Variants in ARHGAP5 observed in about 807,000 individuals in gnomAD.
ARHGAP5 encodes Rho GTPase activating protein 5, also known as rho GTPase-activating protein 5.
In ARHGAP5, 23 loss-of-function variants were observed where a neutral mutation model predicts 116.6. That is an observed-to-expected ratio of 0.20 (90% CI 0.14 to 0.28). The LOEUF (loss-of-function observed/expected upper bound fraction) is 0.28. Ranked by LOEUF, ARHGAP5 falls within the 10% of genes least tolerant of loss-of-function variation. The pLI, the probability that ARHGAP5 is intolerant of heterozygous loss-of-function variation, is 1.00. For missense variants in ARHGAP5, 1,405 were observed against 1,774.8 expected (o/e 0.79, Z 3.74); for synonymous variants, 574 against 602.0 (o/e 0.95, Z 0.68).
chr14:32,136,494 T>A (rs768354434), intron 3 of ARHGAP5, among the ~76,000 whole-genome samples: 5 of 152,254 alleles, frequency 3.3e-5, no homozygotes, highest in Admixed American at 2.6e-4. Context: ...TATATCACAT[T>A]TAGCCGTTTA....
chr14:32,122,139 C>T (rs1251847554), intron 3 of ARHGAP5, among the ~76,000 whole-genome samples: 2 of 152,138 alleles, frequency 1.3e-5, no homozygotes, highest in African/African-American at 4.8e-5. Context: ...CTTGACATTC[C>T]CATCAGCAGT....
intron 2 of ARHGAP5, among the ~76,000 whole-genome samples, chr14:32,101,458 T>A (rs766175534): frequency 1.1e-4 from 17 of 152,316 alleles, no homozygotes; most frequent in Non-Finnish European, 1.8e-4. Context: ...AATTGTTCAT[T>A]CCAGTTATAA....
chr14:32,101,128 T>G (rs1043328074), intron 2 of ARHGAP5, among the ~76,000 whole-genome samples: 4 of 152,178 alleles, frequency 2.6e-5, no homozygotes, highest in Non-Finnish European at 4.4e-5. Flanking sequence ...CTCCTCTTTA[T>G]ATTAGCAATT....
At chr14:32,115,627 C>A (rs1453623047) in intron 2 of ARHGAP5, among the ~76,000 whole-genome samples, 1 of 140,454 alleles carries the variant, frequency 7.1e-6, no homozygotes, top group Non-Finnish European at 1.5e-5. Context: ...GATCGCGCCA[C>A]TGCACTCCAG....
chr14:32,141,203 A>G lies in ARHGAP5; in HGVS notation c.3866-5060A>G, dbSNP rs144567202. 1.7e-4 allele frequency among the ~76,000 whole-genome samples: 26 copies of G among 152,240 alleles called. No homozygotes were observed. In the East Asian group the frequency reaches 1.7e-3, roughly 10 times the overall value. Reference sequence around the variant, plus strand: ...ACGTTCAACATATTGTGTCTTTGGTACTGTAGTGATTGTCTTATAGACTGT... The same window carrying G: ...ACGTTCAACATATTGTGTCTTTGGTGCTGTAGTGATTGTCTTATAGACTGT... On this transcript the variant is annotated intron_variant, in intron 3 of 6. Transcript: ENST00000345122.
At chr14:32,146,387 C>T (rs776770918) in intron 4 of ARHGAP5, 47 bp downstream of exon 4, 24 of 1,375,468 alleles carry the variant, frequency 1.7e-5, no homozygotes, top group Non-Finnish European at 1.3e-5. Flanking sequence ...TTATGTTTTC[C>T]TTGTTAGAAT....
intron 3 of ARHGAP5, among the ~76,000 whole-genome samples, chr14:32,133,356 G>A (rs1880609686): frequency 2.6e-5 from 4 of 152,148 alleles, no homozygotes; most frequent in Admixed American, 2.6e-4. Flanking sequence ...AATTGTGAAT[G>A]GGAGTTCACT....
At position 32,159,595 on chromosome 14, in the gene ARHGAP5, A is replaced by G. The variant is rs1417344159; in HGVS notation, c.*4647A>G. 5 of 152,198 alleles carry G rather than the reference A, an allele frequency of 3.3e-5. No individual in the cohort carries two copies. Among genetic ancestry groups the G allele is most frequent in the South Asian group, 2.1e-4 (1 of 4,826 alleles). The allele number at this position is 152,198 out of a possible 1,614,324, so 9.4% of individuals were successfully genotyped here. A position where few individuals can be genotyped will look rare whatever the true frequency, so the allele number is the denominator to read the frequency against. ...GAACTGTGAATGTTTTGTCCTAACCATTTAATATTTTCTAGGTACTTGCTG... is the reference window on the plus strand; with the variant it reads ...GAACTGTGAATGTTTTGTCCTAACCGTTTAATATTTTCTAGGTACTTGCTG... On this transcript the variant is annotated 3_prime_UTR_variant, in exon 7 of 7. Coordinates refer to ENST00000345122, the MANE Select transcript of ARHGAP5 (RefSeq NM_001030055.2).
At chr14:32,140,373 A>C (rs965845935) in intron 3 of ARHGAP5, among the ~76,000 whole-genome samples, 1 of 151,666 alleles carries the variant, frequency 6.6e-6, no homozygotes, top group African/African-American at 2.4e-5. Context: ...CGAGGTCAGG[A>C]GATCAAGACC....
chr14:32,132,979 G>A (rs912351092), intron 3 of ARHGAP5, among the ~76,000 whole-genome samples: 10 of 152,124 alleles, frequency 6.6e-5, no homozygotes, highest in Non-Finnish European at 1.2e-4. Context: ...TGCTGTTTTG[G>A]TTACTGTAGC....
chr14:32,108,518 A>G (rs1879124327), intron 2 of ARHGAP5, among the ~76,000 whole-genome samples: 2 of 152,052 alleles, frequency 1.3e-5, no homozygotes, highest in African/African-American at 2.4e-5. Context: ...TTATAGTTAG[A>G]TTGGTCCTGG....
chr14:32,116,366 G>A (rs1315539563), intron 2 of ARHGAP5, among the ~76,000 whole-genome samples: 2 of 151,878 alleles, frequency 1.3e-5, no homozygotes, highest in Non-Finnish European at 2.9e-5. Context: ...CGAGGCGGGT[G>A]GATCACGAGG....
In ARHGAP5 at chr14:32,158,624, A is replaced by G. The variant is rs556579618; in HGVS notation, c.*3676A>G. 3.3e-5 allele frequency: 5 copies of G among 152,088 alleles called. No individual in the cohort carries two copies. The highest frequency in any genetic ancestry group is 1.2e-4 in the African/African-American group (5 of 41,550). The allele number at this position is 152,088 out of a possible 1,614,324, so 9.4% of individuals were successfully genotyped here. ...AATTTAGTAGTTTCAAGGTACTTAA[A>G]TTCTTAACAGTTTCTAATTTGTTTC... On this transcript the variant is annotated 3_prime_UTR_variant, in exon 7 of 7. Coordinates refer to ENST00000345122, the MANE Select transcript of ARHGAP5 (RefSeq NM_001030055.2).
intron 3 of ARHGAP5, among the ~76,000 whole-genome samples, chr14:32,142,306 G>A (rs1881163581): frequency 6.6e-6 from 1 of 151,624 alleles, no homozygotes; most frequent in Non-Finnish European, 1.5e-5. Flanking sequence ...TTGTTTCTTT[G>A]TATGCCTCTT....
intron 1 of ARHGAP5, among the ~76,000 whole-genome samples, chr14:32,078,642 T>C (rs2041739693): frequency 6.6e-6 from 1 of 152,180 alleles, no homozygotes; most frequent in Admixed American, 6.5e-5. Context: ...TCAATTCCAC[T>C]TAAATCCAGA....
intron 3 of ARHGAP5, among the ~76,000 whole-genome samples, chr14:32,118,870 T>G (rs1442758443): frequency 6.6e-6 from 1 of 152,208 alleles, no homozygotes; most frequent in Non-Finnish European, 1.5e-5. Flanking sequence ...TTTTGTACAT[T>G]TATTATTTAA....
At chr14:32,153,812 G>C (rs1344797577) in intron 6 of ARHGAP5, among the ~76,000 whole-genome samples, 1 of 151,722 alleles carries the variant, frequency 6.6e-6, no homozygotes, top group South Asian at 2.1e-4. Context: ...AGCCAGATGC[G>C]GTGGCTCAAC....
chr14:32,083,636 T>C (rs1044919539), intron 1 of ARHGAP5, among the ~76,000 whole-genome samples: 2 of 152,232 alleles, frequency 1.3e-5, no homozygotes, highest in African/African-American at 2.4e-5. Context: ...AGTCTTTTTT[T>C]CCCTTAATCC....
chr14:32,154,275 C>G (rs1012287033), intron 6 of ARHGAP5: 3 of 199,302 alleles, frequency 1.5e-5, no homozygotes, highest in African/African-American at 4.7e-5. Flanking sequence ...CTCAGCCTCC[C>G]AAGTAGCTGG....
Sources: gnomAD v4.1 joint callset for allele counts (sites outside exome capture counted in the v4.1 genomes callset) on GRCh38, gnomAD v4.1.1 for gene constraint, MANE v1.5 for transcripts, NCBI Gene and HGNC (gene_info 2026-07-23, HGNC 2026-07-21) for gene names.